The following PLEKHA5 variants were observed in gnomAD, a reference collection of about 807,000 sequenced individuals.
The protein encoded by PLEKHA5 is pleckstrin homology domain containing A5.
PLEKHA5 carries 55 observed loss-of-function variants against 181.9 expected under a neutral mutation model. The ratio of observed to expected loss-of-function variants is 0.30; its 90% CI spans 0.24 to 0.38. The LOEUF is 0.38. Ranked by LOEUF, PLEKHA5 falls within the 10% of genes least tolerant of loss-of-function variation. The pLI is 1.00. For synonymous variants in PLEKHA5, 535 were observed against 529.4 expected, an observed-to-expected ratio of 1.01 and a Z score of -0.15; for missense variants, 1,432 against 1,549.5, an observed-to-expected ratio of 0.92 and a Z score of 1.27.
chr12:19,149,164 G>A (rs2039704417), intron 3 of PLEKHA5, among the ~76,000 whole-genome samples: 1 of 152,108 alleles, frequency 6.6e-6, no homozygotes, highest in Non-Finnish European at 1.5e-5. Flanking sequence ...TATCAGAGTT[G>A]AATAGAGGTA....
intron 10 of PLEKHA5, among the ~76,000 whole-genome samples, chr12:19,270,469 T>C (rs1416520903): frequency 2.6e-5 from 4 of 152,186 alleles, no homozygotes; most frequent in Non-Finnish European, 5.9e-5. Context: ...ATTTAGATTG[T>C]TTCCAAATCC....
chr12:19,361,607 A>G lies in PLEKHA5; in HGVS notation c.3509A>G (p.Tyr1170Cys). 6.6e-7 allele frequency: 1 copy of G among 1,523,838 alleles called. No individual in the cohort carries two copies. The allele number at this position is 1,523,838 out of a possible 1,614,324, so 94.4% of individuals were successfully genotyped here. The change falls in exon 29 of 32, where the codon TAT becomes TGT. Residue 1170 changes from tyrosine (Y) to cysteine (C), a missense_variant. Tyr to Cys is a radical substitution (Grantham distance 194). This residue lies in a region of PLEKHA5 where 1,143 missense variants were observed against 1,168.4 expected (regional missense o/e 0.98). Transcript: ENST00000429027. ...TTAAAAAAAACTGAAAACATTTCAT[A>G]TGAAATGCTTTTTGAACCTGAGCCA... ...KELKKTENIS[Y>C]EMLFEPEPNG...
chr12:19,233,494 G>A (rs2060938798), intron 3 of PLEKHA5, among the ~76,000 whole-genome samples: 6 of 152,060 alleles, frequency 3.9e-5, no homozygotes, highest in Admixed American at 3.9e-4. Flanking sequence ...TATGTGTGAT[G>A]AGTAAATTGG....
intron 3 of PLEKHA5, among the ~76,000 whole-genome samples, chr12:19,156,826 C>G (rs1185175803): frequency 1.3e-5 from 2 of 150,150 alleles, no homozygotes; most frequent in African/African-American, 2.5e-5. Flanking sequence ...AGGTGGGTCA[C>G]TTGAGATCAG....
Position 19,369,682 on chromosome 12 carries a change from G to T in PLEKHA5, c.3755-11G>T, listed in dbSNP as rs1473378763. ...ATTTTTATCTTCTCCCATTTTCTTT[G>T]TGTGTTTTAGTGAAAAGTCTGTCCC... On this transcript the variant is annotated splice_polypyrimidine_tract_variant and intron_variant, in intron 30 of 31. Transcript: ENST00000429027. 4.5e-6 allele frequency: 7 copies of T among 1,557,670 alleles called. No individual in the cohort carries two copies. Among genetic ancestry groups the T allele is most frequent in the Non-Finnish European group, 6.2e-6 (7 of 1,137,588 alleles).
intron 15 of PLEKHA5, among the ~76,000 whole-genome samples, chr12:19,302,732 T>C (rs540753843): frequency 2.2e-4 from 33 of 151,900 alleles, no homozygotes; most frequent in Non-Finnish European, 4.0e-4. Context: ...GTATCTAATA[T>C]GATAGCCACT....
In PLEKHA5 at chr12:19,353,935, C is replaced by T; in HGVS notation, c.3071C>T (p.Pro1024Leu). 1 of 1,611,756 alleles carries T rather than the reference C, an allele frequency of 6.2e-7. No homozygotes were observed. The highest frequency in any genetic ancestry group is 8.5e-7 in the Non-Finnish European group (1 of 1,178,074). ...CCTCCAAGAGCAAAATCACCAACAC[C>T]CGAATCTTCGACAATAGCTTCCTAT... Reference protein sequence around the residue: ...VVPPRAKSPTPESSTIASYVT... With the variant: ...VVPPRAKSPTLESSTIASYVT... The change falls in exon 26 of 32, where the codon CCC (proline) becomes CTC (leucine). Residue 1024 changes from proline to leucine, a missense_variant. By Grantham distance (98) the Pro-to-Leu change is moderately conservative (BLOSUM62 -3). This residue lies in a region of PLEKHA5 where 1,143 missense variants were observed against 1,168.4 expected (regional missense o/e 0.98). Coordinates refer to ENST00000429027, the MANE Select transcript of PLEKHA5 (RefSeq NM_001256470.2).
At position 19,172,458 on chromosome 12, in the gene PLEKHA5, C is replaced by CG. The variant is rs201110758; in HGVS notation, c.227+40015dup. 3.4e-3 allele frequency among the ~76,000 whole-genome samples: 524 copies of CG among 151,928 alleles called. 2 individuals carry two copies. The highest frequency in any genetic ancestry group is 7.3e-3 in the African/African-American group (301 of 41,412). On this transcript the variant is annotated intron_variant, in intron 3 of 31. Coordinates refer to ENST00000429027, the MANE Select transcript of PLEKHA5 (RefSeq NM_001256470.2). ...CTCACCAATAAGAAAACAAACGACC[C>CG]GGGGGGGCAAAAGATTTGAGCAGTC...
At chr12:19,341,606 G>A (rs912126631) in intron 21 of PLEKHA5, among the ~76,000 whole-genome samples, 7 of 151,934 alleles carry the variant, frequency 4.6e-5, no homozygotes, top group African/African-American at 1.7e-4. Flanking sequence ...CTTAGGTTAT[G>A]TAGTGCCTTT....
At chr12:19,183,378 A>C (rs1262342229) in intron 3 of PLEKHA5, among the ~76,000 whole-genome samples, 3 of 152,144 alleles carry the variant, frequency 2.0e-5, no homozygotes, top group Admixed American at 2.0e-4. Flanking sequence ...ATGAGCACCA[A>C]ATGTGCTTTA....
intron 3 of PLEKHA5, among the ~76,000 whole-genome samples, chr12:19,161,030 T>G (rs1485764564): frequency 6.6e-6 from 1 of 152,206 alleles, no homozygotes; most frequent in Non-Finnish European, 1.5e-5. Context: ...TCTTTTAATC[T>G]TTTATTGAAA....
chr12:19,307,081 TAGTTGC>T, intron 15 of PLEKHA5: 4 of 1,232,730 alleles, frequency 3.2e-6, no homozygotes, highest in Non-Finnish European at 4.8e-6. Context: ...TTGCCACAGA[TAGTTGC>T]TGAAGCTTAT....
intron 6 of PLEKHA5, among the ~76,000 whole-genome samples, chr12:19,257,909 A>G (rs2152567770): frequency 6.6e-6 from 1 of 152,228 alleles, no homozygotes; most frequent in East Asian, 1.9e-4. Context: ...TTCTATTGAT[A>G]TAAAAATTGT....
intron 3 of PLEKHA5, among the ~76,000 whole-genome samples, chr12:19,178,096 T>G (rs1177956098): frequency 1.3e-5 from 2 of 152,204 alleles, no homozygotes; most frequent in Non-Finnish European, 2.9e-5. Context: ...CTGGAACCAT[T>G]GAGCACTCAC....
intron 26 of PLEKHA5, among the ~76,000 whole-genome samples, chr12:19,356,225 C>T (rs2094920111): frequency 6.6e-6 from 1 of 151,506 alleles, no homozygotes; most frequent in Middle Eastern, 3.2e-3. Flanking sequence ...AAGATACTAG[C>T]AGGTTTAGGC....
At position 19,314,673 on chromosome 12, in the gene PLEKHA5, C is replaced by A. The variant is rs960069803; in HGVS notation, c.2038-141C>A. 4 of 669,304 alleles carry A rather than the reference C, an allele frequency of 6.0e-6. No individual in the cohort carries two copies. The African/African-American group carries it at 7.1e-5, about 12-fold the overall frequency. The allele number at this position is 669,304 out of a possible 1,614,324, so 41.5% of individuals were successfully genotyped here. A position where few individuals can be genotyped will look rare whatever the true frequency, so the allele number is the denominator to read the frequency against. On this transcript the variant is annotated intron_variant, in intron 15 of 31. Coordinates refer to ENST00000429027, the MANE Select transcript of PLEKHA5 (RefSeq NM_001256470.2). ...TTGAAATGGTTTATATGAATTAAAT[C>A]TGTACAACCATGGGGTAAAATGTAA...
chr12:19,216,011 C>T (rs543432995), intron 3 of PLEKHA5, among the ~76,000 whole-genome samples: 1 of 152,134 alleles, frequency 6.6e-6, no homozygotes, highest in African/African-American at 2.4e-5. Flanking sequence ...TCACAAAATA[C>T]CGACTTGCTA....
chr12:19,147,205 A>G (rs1045458511), intron 3 of PLEKHA5: 4 of 152,240 alleles, frequency 2.6e-5, no homozygotes, highest in South Asian at 2.1e-4. Context: ...ACTGTTACAC[A>G]TAAGTCAATG....
chr12:19,250,185 A>G (rs2152514125), intron 3 of PLEKHA5, among the ~76,000 whole-genome samples: 1 of 152,326 alleles, frequency 6.6e-6, no homozygotes, highest in African/African-American at 2.4e-5. Flanking sequence ...GTAGGTAAAC[A>G]CTGGCATTGT....
Sources: gnomAD v4.1 joint callset for allele counts (sites outside exome capture counted in the v4.1 genomes callset) on GRCh38, gnomAD v4.1.1 for gene constraint, gnomAD v4.1.1 regional missense constraint, MANE v1.5 for transcripts, NCBI Gene and HGNC (gene_info 2026-07-23, HGNC 2026-07-21) for gene names.